Variants in CHD7 observed in about 807,000 individuals in gnomAD.
The protein encoded by CHD7 is chromodomain helicase DNA binding protein 7.
CHD7 carries 24 observed loss-of-function variants against 307.3 expected under a neutral mutation model. The observed-to-expected ratio is 0.08, with a 90% CI of 0.06 to 0.11. The LOEUF is 0.11. Ranked by LOEUF, CHD7 falls within the 10% of genes least tolerant of loss-of-function variation. CHD7 has a pLI of 1.00. For missense variants in CHD7, 3,106 were observed against 3,727.1 expected (o/e 0.83, Z 4.34); for synonymous variants, 1,363 against 1,349.9 (o/e 1.01, Z -0.21).
At chr8:60,760,036 G>T (rs1209198000) in intron 2 of CHD7, among the ~76,000 whole-genome samples, 1 of 152,146 alleles carries the variant, frequency 6.6e-6, no homozygotes. Context: ...TAGTAATGTT[G>T]GTGAGAATGA....
rs143233734 is a variant in CHD7, at chr8:60,805,527, C to A, written c.2443-2690C>A. ...TTGTCAGGCATCTTCACAGCAGGTT[C>A]CCAGAGGAATAGCTGATCATGACAA... On this transcript the variant is annotated intron_variant, in intron 6 of 37. Coordinates refer to ENST00000423902, the MANE Select transcript of CHD7 (RefSeq NM_017780.4). Among the ~76,000 whole-genome samples, 642 of 152,262 alleles carry A rather than the reference C, an allele frequency of 4.2e-3. 5 individuals are homozygous for A. Among genetic ancestry groups the A allele is most frequent in the African/African-American group, 0.015 (615 of 41,534 alleles).
intron 6 of CHD7, among the ~76,000 whole-genome samples, chr8:60,802,867 T>A (rs754384065): frequency 8.5e-5 from 13 of 152,238 alleles, no homozygotes; most frequent in Non-Finnish European, 1.6e-4. Flanking sequence ...CATTAGTTTG[T>A]TTTGCTATTG....
chr8:60,844,784 C>T lies in CHD7; in HGVS notation c.4851-80C>T, dbSNP rs1431368678. 4.0e-6 allele frequency: 5 copies of T among 1,239,984 alleles called. No individual in the cohort carries two copies. In the African/African-American group the frequency reaches 6.0e-5, roughly 15 times the overall value. The allele number at this position is 1,239,984 out of a possible 1,614,324, so 76.8% of individuals were successfully genotyped here. On this transcript the variant is annotated intron_variant, in intron 21 of 37. Transcript: ENST00000423902. ...TTGCTAGTTTTGACCCAGGATTTCC[C>T]AACGCTGGTACCTGACTTAAAGTAA...
intron 5 of CHD7, 120 bp from the exon 6 acceptor site, chr8:60,801,408 A>G (rs1478664438): frequency 5.7e-6 from 4 of 703,924 alleles, no homozygotes; most frequent in Non-Finnish European, 7.4e-6. Context: ...CTCACTGATA[A>G]CTTTGTACCC....
intron 1 of CHD7, among the ~76,000 whole-genome samples, chr8:60,715,326 C>CTTTT (rs11376102): frequency 7.9e-6 from 1 of 125,900 alleles, no homozygotes; most frequent in African/African-American, 3.1e-5. Flanking sequence ...AGGGCTCTGC[C>CTTTT]TTTTTTTTTT....
intron 1 of CHD7, among the ~76,000 whole-genome samples, chr8:60,696,107 T>C (rs1806453803): frequency 6.6e-6 from 1 of 152,224 alleles, no homozygotes; most frequent in Non-Finnish European, 1.5e-5. Flanking sequence ...AATCATGTTT[T>C]TGAAAAATGT....
intron 2 of CHD7, among the ~76,000 whole-genome samples, chr8:60,764,190 C>T (rs1185707379): frequency 6.6e-6 from 1 of 152,030 alleles, no homozygotes; most frequent in Admixed American, 6.6e-5. Context: ...GGGGTTTCAC[C>T]ATGTTAGCCA....
chr8:60,828,937 A>G (rs1415257718), intron 14 of CHD7, 131 bp downstream of exon 14: 1 of 762,414 alleles, frequency 1.3e-6, no homozygotes, highest in Non-Finnish European at 2.1e-6. Flanking sequence ...AACCTTAGAT[A>G]CCCTTTCCTT....
At chr8:60,847,955 C>T (rs555207752) in intron 23 of CHD7, among the ~76,000 whole-genome samples, 2 of 152,182 alleles carry the variant, frequency 1.3e-5, no homozygotes, top group South Asian at 4.2e-4. Context: ...TTCTACCCCA[C>T]CCTGTCACCA....
intron 12 of CHD7, among the ~76,000 whole-genome samples, chr8:60,823,558 C>T (rs1054461344): frequency 5.3e-5 from 8 of 152,114 alleles, no homozygotes; most frequent in Admixed American, 3.3e-4. Flanking sequence ...TTCTGTCCTA[C>T]GTGAATGTGT....
chr8:60,694,386 C>T (rs947223894), intron 1 of CHD7, among the ~76,000 whole-genome samples: 5 of 152,232 alleles, frequency 3.3e-5, no homozygotes, highest in African/African-American at 1.2e-4. Flanking sequence ...CTAGGTAGAG[C>T]AGGTTAACAC....
intron 19 of CHD7, among the ~76,000 whole-genome samples, chr8:60,841,424 C>G (rs547931781): frequency 6.6e-6 from 1 of 152,328 alleles, no homozygotes; most frequent in African/African-American, 2.4e-5. Context: ...ACACTTGCTC[C>G]CTATCATTTA....
chr8:60,743,558 C>T (rs1048859916), intron 2 of CHD7, among the ~76,000 whole-genome samples: 1 of 152,186 alleles, frequency 6.6e-6, no homozygotes, highest in Admixed American at 6.5e-5. Context: ...AGCTGCAAAT[C>T]GTATACTTCT....
chr8:60,749,689 C>G (rs766751285), intron 2 of CHD7, among the ~76,000 whole-genome samples: 32 of 152,150 alleles, frequency 2.1e-4, no homozygotes, highest in Non-Finnish European at 4.0e-4. Context: ...CAGGCTGGAC[C>G]TCATTGGAGC....
chr8:60,715,151 A>T (rs991029612), intron 1 of CHD7, among the ~76,000 whole-genome samples: 1 of 152,122 alleles, frequency 6.6e-6, no homozygotes, highest in Non-Finnish European at 1.5e-5. Context: ...CATTGACACT[A>T]TTTGCTTCCG....
rs906275271 is a variant in CHD7 at position 60,784,728 on chromosome 8, C to G, written c.2096+3298C>G. ...GCCTTTTTGACAACTAAAATATGATCATACATGTCTTTCCTCTGCAGGAGG... is the reference window on the plus strand; with the variant it reads ...GCCTTTTTGACAACTAAAATATGATGATACATGTCTTTCCTCTGCAGGAGG... On this transcript the variant is annotated intron_variant, in intron 3 of 37. Transcript: ENST00000423902. Among the ~76,000 whole-genome samples, 3 of 152,246 alleles carry G rather than the reference C, an allele frequency of 2.0e-5. No homozygotes were observed. In the Middle Eastern group the frequency reaches 0.01, roughly 518 times the overall value.
chr8:60,865,792 G>C lies in CHD7; in HGVS notation c.8853G>C (p.Glu2951Asp). ...AGGGAGGACCCTTTAAAGATGGAGA[G>C]ACCCTTGAAGGCAGCGATGCCGAGG... ...KAEGGPFKDG[E>D]TLEGSDAEES... Residue 2951 changes from glutamate to aspartate, a missense_variant, in exon 38 of 38, where the codon GAG becomes GAC. Coordinates refer to ENST00000423902, the MANE Select transcript of CHD7 (RefSeq NM_017780.4). This position sits in a 1 kb window ranked among gnomAD's most constrained non-coding sequence, Gnocchi z 4.3. 6.2e-7 allele frequency: 1 copy of C among 1,614,036 alleles called. No homozygotes were observed. Among genetic ancestry groups the C allele is most frequent in the African/African-American group, 1.3e-5 (1 of 75,064 alleles).
chr8:60,831,090 T>C (rs1355032255), intron 15 of CHD7, among the ~76,000 whole-genome samples: 2 of 152,202 alleles, frequency 1.3e-5, no homozygotes, highest in African/African-American at 4.8e-5. Context: ...TTTATGGCCC[T>C]CCTCTTTTCT....
At chr8:60,845,216 A>C (rs1159005522) in intron 22 of CHD7, 34 bp from the exon 23 acceptor site, 24 of 1,591,890 alleles carry the variant, frequency 1.5e-5, no homozygotes, top group Middle Eastern at 3.4e-4. Flanking sequence ...TGGAATGTAA[A>C]AGGCTTCTAT....
Sources: allele counts gnomAD v4.1 joint callset (sites outside exome capture counted in the v4.1 genomes callset), GRCh38; gene constraint gnomAD v4.1.1; non-coding constraint Gnocchi (gnomAD v3.1); transcripts MANE v1.5; gene names NCBI Gene and HGNC (gene_info 2026-07-23, HGNC 2026-07-21).